Variants in CDC42EP5 observed in about 807,000 individuals in gnomAD.
The protein encoded by CDC42EP5 is CDC42 effector protein 5.
For synonymous variants in CDC42EP5, 118 were observed against 123.3 expected, an observed-to-expected ratio of 0.96 and a Z score of 0.28; for missense variants, 269 against 238.0, an observed-to-expected ratio of 1.13 and a Z score of -0.86.
intron 1 of CDC42EP5, 61 bp from the exon 2 acceptor site, chr19:54,471,746 C>T (rs1369749702): frequency 6.4e-6 from 1 of 155,410 alleles, no homozygotes. Context: ...CATCCGGGTC[C>T]GTAGAGCCAC....
intron 2 of CDC42EP5, among the ~76,000 whole-genome samples, chr19:54,468,888 A>C (rs2084790612): frequency 8.6e-6 from 1 of 116,284 alleles, no homozygotes; most frequent in East Asian, 3.0e-4. Context: ...AGATACTCTG[A>C]TTCCTTCCTT....
chr19:54,465,476 G>C lies in CDC42EP5; in HGVS notation c.72C>G (p.Ser24=). 1 of 1,527,972 alleles carries C rather than the reference G, an allele frequency of 6.5e-7. No individual in the cohort carries two copies. Among genetic ancestry groups the C allele is most frequent in the Non-Finnish European group, 8.7e-7 (1 of 1,150,000 alleles). 94.7% of individuals were successfully genotyped at this position (1,527,972 alleles called of 1,614,324 possible). The part of the protein sequence containing the change: ...KRPDRGALSI[S]APLGDFRHTL... ...TGTGCCGGAAGTCGCCGAGCGGCGC[G>C]GAGATGGACAGGGCGCCGCGATCAG... is the stretch of plus-strand genomic sequence containing the variant. The change falls in exon 3 of 3, where the codon TCC becomes TCG. Residue 24 remains serine (S), a synonymous_variant. Coordinates refer to ENST00000301200, the MANE Select transcript of CDC42EP5 (RefSeq NM_145057.4).
Position 54,465,474 on chromosome 19 carries a change from G to A in CDC42EP5, c.74C>T (p.Ala25Val). The change falls in exon 3 of 3, where the codon GCG becomes GTG. Residue 25 changes from alanine to valine, a missense_variant. Coordinates refer to ENST00000301200, the MANE Select transcript of CDC42EP5 (RefSeq NM_145057.4). ...CGTGTGCCGGAAGTCGCCGAGCGGC[G>A]CGGAGATGGACAGGGCGCCGCGATC... ...RPDRGALSIS[A>V]PLGDFRHTLH... The A allele has an allele frequency of 6.5e-7, 1 of 1,527,416 alleles. No individual in the cohort carries two copies. Among genetic ancestry groups the A allele is most frequent in the Non-Finnish European group, 8.7e-7 (1 of 1,149,522 alleles). 94.6% of individuals were successfully genotyped at this position (1,527,416 alleles called of 1,614,324 possible).
chr19:54,469,873 G>C (rs2084811371), intron 2 of CDC42EP5, among the ~76,000 whole-genome samples: 1 of 152,114 alleles, frequency 6.6e-6, no homozygotes. Context: ...GTCAGACCCA[G>C]CTCCCAGCAT....
At position 54,471,317 on chromosome 19, in the gene CDC42EP5, G is replaced by A. The variant is rs368250109; in HGVS notation, c.-1+228C>T. ...TTCACCTCTGTCCTCTCTCAGTCCC[G>A]GCCCCGCCAGGACGGAAATAACAAC... is the stretch of plus-strand genomic sequence containing the variant. On this transcript the variant is annotated intron_variant, in intron 2 of 2. Coordinates refer to ENST00000301200, the MANE Select transcript of CDC42EP5 (RefSeq NM_145057.4). 1.3e-3 allele frequency among the ~76,000 whole-genome samples: 191 copies of A among 152,136 alleles called. 7 individuals are homozygous for A. In the South Asian group the frequency reaches 0.038, roughly 30 times the overall value.
chr19:54,465,100 C>A lies in CDC42EP5; in HGVS notation c.*1G>T. 5 of 1,361,178 alleles carry A rather than the reference C, an allele frequency of 3.7e-6. No homozygotes were observed. Among genetic ancestry groups the A allele is most frequent in the South Asian group, 1.8e-5 (1 of 55,298 alleles). 84.3% of individuals were successfully genotyped at this position (1,361,178 alleles called of 1,614,324 possible). On this transcript the variant is annotated 3_prime_UTR_variant, in exon 3 of 3. Transcript: ENST00000301200. ...GGGAAGGGCGCGGGGAATGAGGGAA[C>A]CTAGAGGCCGATGACGTCGTTCAGC...
Position 54,465,190 on chromosome 19 carries a change from C to A in CDC42EP5, c.358G>T (p.Asp120Tyr). ...ARPEAAAAKP[D>Y]AEPRPGTQPP... ...TGCGTCCCGGGGCGGGGTTCCGCGT[C>A]GGGCTTGGCGGCAGCCGCCTCCGGG... The change falls in exon 3 of 3, where the codon GAC (aspartate) becomes TAC (tyrosine). Residue 120 changes from aspartate to tyrosine, a missense_variant. Asp to Tyr is a radical substitution (Grantham distance 160, BLOSUM62 -3). Coordinates refer to ENST00000301200, the MANE Select transcript of CDC42EP5 (RefSeq NM_145057.4). The A allele has an allele frequency of 1.4e-6, 2 of 1,430,134 alleles. No homozygotes were observed. Among genetic ancestry groups the A allele is most frequent in the Non-Finnish European group, 1.8e-6 (2 of 1,097,390 alleles). The allele number at this position is 1,430,134 out of a possible 1,614,324, so 88.6% of individuals were successfully genotyped here.
intron 2 of CDC42EP5, among the ~76,000 whole-genome samples, chr19:54,469,533 AC>A (rs1207955779): frequency 1.3e-5 from 2 of 152,202 alleles, no homozygotes; most frequent in African/African-American, 4.8e-5. Context: ...AACTTACTTG[AC>A]CTTTCTGACC....
At chr19:54,471,199 G>C (rs966110563) in intron 2 of CDC42EP5, among the ~76,000 whole-genome samples, 2 of 152,052 alleles carry the variant, frequency 1.3e-5, no homozygotes, top group South Asian at 2.1e-4. Context: ...GGGGAGGCCC[G>C]GGCCGCGCGT....
At chr19:54,468,428 C>T (rs2084784648) in intron 2 of CDC42EP5, among the ~76,000 whole-genome samples, 1 of 152,054 alleles carries the variant, frequency 6.6e-6, no homozygotes, top group South Asian at 2.1e-4. Context: ...ACTACCTCTG[C>T]AGCATTTATC....
Position 54,465,509 on chromosome 19 carries a change from C to A in CDC42EP5, c.39G>T (p.Lys13Asn). 1 of 1,541,054 alleles carries A rather than the reference C, an allele frequency of 6.5e-7. No homozygotes were observed. The highest frequency in any genetic ancestry group is 1.2e-5 in the South Asian group (1 of 85,160). The change falls in exon 3 of 3, where the codon AAG becomes AAT. Residue 13 changes from lysine to asparagine, a missense_variant. Coordinates refer to ENST00000301200, the MANE Select transcript of CDC42EP5 (RefSeq NM_145057.4). ...ACAGGGCGCCGCGATCAGGCCGCTTCTTGGGCTGCGCGGGGCCCAGCTGCT... is the reference window on the plus strand; with the variant it reads ...ACAGGGCGCCGCGATCAGGCCGCTTATTGGGCTGCGCGGGGCCCAGCTGCT... ...VLKQLGPAQP[K>N]KRPDRGALSI...
intron 2 of CDC42EP5, 128 bp downstream of exon 2, chr19:54,471,416 TG>T (rs1274880010): frequency 6.6e-6 from 1 of 151,856 alleles, no homozygotes; most frequent in Non-Finnish European, 1.5e-5. Flanking sequence ...GGACCCCAGA[TG>T]GGGAGACCCC....
chr19:54,468,953 T>C (rs1384168582), intron 2 of CDC42EP5, among the ~76,000 whole-genome samples: 1 of 146,320 alleles, frequency 6.8e-6, no homozygotes, highest in African/African-American at 2.6e-5. Flanking sequence ...CCCTCCCTCC[T>C]TCCTTCCTTC....
chr19:54,465,674 C>T (rs917920827), intron 2 of CDC42EP5, 127 bp from the exon 3 acceptor site: 8 of 1,196,260 alleles, frequency 6.7e-6, no homozygotes, highest in African/African-American at 1.6e-5. Context: ...GACGGAGTCT[C>T]GCCCATGCTG....
intron 2 of CDC42EP5, among the ~76,000 whole-genome samples, chr19:54,469,679 G>A (rs912286246): frequency 2.0e-5 from 3 of 152,228 alleles, no homozygotes; most frequent in African/African-American, 7.2e-5. Flanking sequence ...ATTAACATAT[G>A]CTCAATGGAG....
Position 54,465,367 on chromosome 19 carries a change from G to C in CDC42EP5, c.181C>G (p.Arg61Gly). The change falls in exon 3 of 3, where the codon CGG becomes GGG. Residue 61 changes from arginine (R) to glycine (G), a missense_variant. Coordinates refer to ENST00000301200, the MANE Select transcript of CDC42EP5 (RefSeq NM_145057.4). ...CGCGGGGCCCCCGCGGGGGGCGCCCGGGGCTCGGGGGGCGGCCCGCCGCCG... is the reference window on the plus strand; with the variant it reads ...CGCGGGGCCCCCGCGGGGGGCGCCCCGGGCTCGGGGGGCGGCCCGCCGCCG... Reference protein sequence around the residue: ...RHGGGPPPEPRAPPAGAPRSP... With the variant: ...RHGGGPPPEPGAPPAGAPRSP... The C allele has an allele frequency of 8.6e-7, 1 of 1,157,970 alleles. No homozygotes were observed. Among genetic ancestry groups the C allele is most frequent in the Non-Finnish European group, 1.1e-6 (1 of 940,718 alleles). 71.7% of individuals were successfully genotyped at this position (1,157,970 alleles called of 1,614,324 possible).
Position 54,465,265 on chromosome 19 carries a change from G to A in CDC42EP5, c.283C>T (p.Leu95=), listed in dbSNP as rs1058700. The change falls in exon 3 of 3, where the codon CTG becomes TTG. Residue 95 remains leucine (L), a synonymous_variant. Transcript: ENST00000301200. ...ADPLLSFHLD[L]GPSMLDAVLG... ...ACCGCGTCCAGCATGGAGGGCCCCA[G>A]ATCCAGGTGGAAGGACAGCAGCGGG... is the stretch of plus-strand genomic sequence containing the variant. The A allele has an allele frequency of 3.0e-5, 41 of 1,374,360 alleles. No individual in the cohort carries two copies. Among genetic ancestry groups the A allele is most frequent in the Middle Eastern group, 4.5e-4 (2 of 4,420 alleles). The allele number at this position is 1,374,360 out of a possible 1,614,324, so 85.1% of individuals were successfully genotyped here.
At chr19:54,470,559 GGAAA>G (rs1600055254) in intron 2 of CDC42EP5, among the ~76,000 whole-genome samples, 5 of 151,936 alleles carry the variant, frequency 3.3e-5, no homozygotes, top group Admixed American at 6.5e-5. Context: ...AAAAAAAGAA[GGAAA>G]GAAAGAAAGG....
chr19:54,468,932 T>TTTCTTTCTTTCTTTCC (rs1476209524), intron 2 of CDC42EP5, among the ~76,000 whole-genome samples: 155 of 43,206 alleles, frequency 3.6e-3, no homozygotes, highest in Non-Finnish European at 6.4e-3. Context: ...TCTTTCTTTC[T>TTTCTTTCTTTCTTTCC]TTTCTTCCCT....
Sources: gnomAD v4.1 joint callset for allele counts (sites outside exome capture counted in the v4.1 genomes callset) on GRCh38, gnomAD v4.1.1 for gene constraint, MANE v1.5 for transcripts, NCBI Gene and HGNC (gene_info 2026-07-23, HGNC 2026-07-21) for gene names.